Variants in MMP25 observed in about 807,000 individuals in gnomAD.
MMP25 encodes matrix metallopeptidase 25.
In MMP25, 68 loss-of-function variants were observed where a neutral mutation model predicts 62.1. The observed-to-expected ratio is 1.10, with a 90% CI of 0.90 to 1.34. MMP25 has a LOEUF of 1.34. MMP25 is among the 40% of genes most tolerant of loss of function. The pLI is 0.00. For synonymous variants in MMP25, 407 were observed against 345.6 expected, an observed-to-expected ratio of 1.18 and a Z score of -1.97; for missense variants, 942 against 792.5, an observed-to-expected ratio of 1.19 and a Z score of -2.26.
chr16:3,051,952 C>G (rs1955909929), intron 4 of MMP25: 1 of 152,004 alleles, frequency 6.6e-6, no homozygotes, highest in South Asian at 2.1e-4. Context: ...TGTTGAAACC[C>G]CGTCTCTACT....
At chr16:3,053,927 T>A (rs1955950868) in intron 4 of MMP25, 1 of 150,588 alleles carries the variant, frequency 6.6e-6, no homozygotes, top group Admixed American at 6.7e-5. Context: ...GCGGGGGAAG[T>A]GAAGATTGAG....
At chr16:3,047,298 G>T (rs1024127963) in intron 1 of MMP25, 117 bp from the exon 2 acceptor site, 1 of 1,455,474 alleles carries the variant, frequency 6.9e-7, no homozygotes, top group African/African-American at 1.4e-5. Flanking sequence ...AGGCATCCGG[G>T]GCTGGGGCCC....
Position 3,046,987 on chromosome 16 carries a change from C to G in MMP25, c.70C>G (p.Pro24Ala). 6.8e-7 allele frequency: 1 copy of G among 1,471,428 alleles called. No individual in the cohort carries two copies. Among genetic ancestry groups the G allele is most frequent in the Non-Finnish European group, 8.9e-7 (1 of 1,119,504 alleles). 91.1% of individuals were successfully genotyped at this position (1,471,428 alleles called of 1,614,324 possible). ...LLAPPARAPK[P>A]SAQDVSLGVD... ...GGCACCGCCCGCGCGCGCCCCGAAGCCCTCGGCGCAGGACGTGAGCCTGGG... is the reference window on the plus strand; with the variant it reads ...GGCACCGCCCGCGCGCGCCCCGAAGGCCTCGGCGCAGGACGTGAGCCTGGG... Residue 24 changes from proline (P) to alanine (A), a missense_variant, in exon 1 of 10, where the codon CCC (proline) becomes GCC (alanine). Physicochemically the swap from Pro to Ala is conservative, Grantham distance 27. Coordinates refer to ENST00000336577, the MANE Select transcript of MMP25 (RefSeq NM_022468.5).
intron 4 of MMP25, among the ~76,000 whole-genome samples, chr16:3,055,246 C>T (rs764295044): frequency 6.6e-6 from 1 of 152,048 alleles, no homozygotes; most frequent in Non-Finnish European, 1.5e-5. Flanking sequence ...GGTTGTGTAA[C>T]TTCCCCCAGA....
chr16:3,059,437 C>T lies in MMP25; in HGVS notation c.*339C>T, dbSNP rs1956078244. 8.9e-6 allele frequency: 2 copies of T among 223,670 alleles called. No individual in the cohort carries two copies. The highest frequency in any genetic ancestry group is 1.7e-5 in the Non-Finnish European group (2 of 114,484). The allele number at this position is 223,670 out of a possible 1,614,324, so 13.9% of individuals were successfully genotyped here. A position where few individuals can be genotyped will look rare whatever the true frequency, so the allele number is the denominator to read the frequency against. On this transcript the variant is annotated 3_prime_UTR_variant, in exon 10 of 10. Coordinates refer to ENST00000336577, the MANE Select transcript of MMP25 (RefSeq NM_022468.5). ...GGCGGTCGGACCCCGCCTCCCGAGC[C>T]CGGGGAGGGGCGGGGAGGACAAGGG...
Position 3,058,222 on chromosome 16 carries a change from TC to T in MMP25, c.1052del (p.Pro351ArgfsTer17), listed in dbSNP as rs1416222287. 1.1e-5 allele frequency: 18 copies of T among 1,612,442 alleles called. No homozygotes were observed. The highest frequency in any genetic ancestry group is 1.5e-5 in the Non-Finnish European group (18 of 1,179,452). ...CCTCCAGCCCTCCGGACAGCTGGTG[TC>T]CCCGCGACCCGCACGGCTGCACCGC... ...WRLQPSGQLV[S>X]PRPARLHRFW... On this transcript the variant is annotated frameshift_variant, in exon 8 of 10. Transcript: ENST00000336577. LOFTEE classifies it high-confidence loss of function.
chr16:3,049,981 A>C (rs1182701233), intron 2 of MMP25, 28 bp from the exon 3 acceptor site: 3 of 1,604,754 alleles, frequency 1.9e-6, no homozygotes, highest in East Asian at 4.5e-5. Context: ...TTGTGGACAC[A>C]CCCCCCACCG....
At chr16:3,047,578 C>G in intron 2 of MMP25, 31 bp downstream of exon 2, 1 of 1,606,130 alleles carries the variant, frequency 6.2e-7, no homozygotes, top group Non-Finnish European at 8.5e-7. Context: ...CCCAGCCCTG[C>G]CTCTGCACCC....
At position 3,058,649 on chromosome 16, in the gene MMP25, A is replaced by G; in HGVS notation, c.1397A>G (p.Asp466Gly). ...LWEGAPPSPDDVTVSNAGDTY... is the reference protein window; with the variant it reads ...LWEGAPPSPDGVTVSNAGDTY... ...GAAGGCGCGCCCCCCTCCCCTGACGATGTCACCGTCAGCAACGCAGGTGGG... is the reference window on the plus strand; with the variant it reads ...GAAGGCGCGCCCCCCTCCCCTGACGGTGTCACCGTCAGCAACGCAGGTGGG... The change falls in exon 9 of 10, where the codon GAT becomes GGT. Residue 466 changes from aspartate to glycine, a missense_variant. Transcript: ENST00000336577. The G allele has an allele frequency of 6.2e-7, 1 of 1,601,796 alleles. No individual in the cohort carries two copies. Among genetic ancestry groups the G allele is most frequent in the Non-Finnish European group, 8.5e-7 (1 of 1,174,100 alleles).
At chr16:3,047,611 C>A in intron 2 of MMP25, 64 bp downstream of exon 2, 2 of 1,554,518 alleles carry the variant, frequency 1.3e-6, no homozygotes, top group Non-Finnish European at 1.8e-6. Flanking sequence ...GCCCAACAGC[C>A]TTTAGACCTC....
At chr16:3,056,041 A>G in intron 4 of MMP25, 1 of 417,522 alleles carries the variant, frequency 2.4e-6, no homozygotes, top group Non-Finnish European at 4.8e-6. Flanking sequence ...TGTGTTCCCA[A>G]GGAGATGGAG....
intron 2 of MMP25, 73 bp from the exon 3 acceptor site, chr16:3,049,936 G>A: frequency 6.3e-7 from 1 of 1,593,164 alleles, no homozygotes; most frequent in Non-Finnish European, 8.5e-7. Flanking sequence ...CATGTAGAAA[G>A]TTGACTGGTG....
intron 5 of MMP25, 26 bp downstream of exon 5, chr16:3,057,235 A>G: frequency 6.2e-7 from 1 of 1,613,712 alleles, no homozygotes; most frequent in Non-Finnish European, 8.5e-7. Flanking sequence ...CCTGCCGCGA[A>G]ACCATCATTG....
At position 3,059,253 on chromosome 16, in the gene MMP25, G is replaced by GGGC. The variant is rs1397555679; in HGVS notation, c.*167_*169dup. The GGGC allele has an allele frequency of 4.6e-6, 4 of 876,160 alleles. No individual in the cohort carries two copies. The African/African-American group carries it at 5.3e-5, about 12-fold the overall frequency. The allele number at this position is 876,160 out of a possible 1,614,324, so 54.3% of individuals were successfully genotyped here. On this transcript the variant is annotated 3_prime_UTR_variant, in exon 10 of 10. Transcript: ENST00000336577. ...TAAGCAGGGGGGATCTCCCGCGCAG[G>GGGC]GGCGGCGGCGGCGGGGACCGGTCGC...
In MMP25 at chr16:3,060,422, T is replaced by A. The variant is rs2151167955; in HGVS notation, c.*1324T>A. ...ACACCGATGGCCTGAACCCCATGGG[T>A]AGAGTCACTTAGGGGCCACTTCCTA... On this transcript the variant is annotated 3_prime_UTR_variant, in exon 10 of 10. Transcript: ENST00000336577. 6.6e-6 allele frequency: 1 copy of A among 152,162 alleles called. No individual in the cohort carries two copies. Among genetic ancestry groups the A allele is most frequent in the Non-Finnish European group, 1.5e-5 (1 of 68,004 alleles). 9.4% of individuals were successfully genotyped at this position (152,162 alleles called of 1,614,324 possible). A position where few individuals can be genotyped will look rare whatever the true frequency, so the allele number is the denominator to read the frequency against.
In MMP25 at chr16:3,060,538, G is replaced by C. The variant is rs954826214; in HGVS notation, c.*1440G>C. The C allele has an allele frequency of 2.6e-5, 4 of 152,336 alleles. 1 individual carries two copies. In the South Asian group the frequency reaches 8.3e-4, roughly 32 times the overall value. 9.4% of individuals were successfully genotyped at this position (152,336 alleles called of 1,614,324 possible). A position where few individuals can be genotyped will look rare whatever the true frequency, so the allele number is the denominator to read the frequency against. On this transcript the variant is annotated 3_prime_UTR_variant, in exon 10 of 10. Coordinates refer to ENST00000336577, the MANE Select transcript of MMP25 (RefSeq NM_022468.5). ...AGCAACCATGCGAGGGGTTGCCCCA[G>C]TTGCTCATACAAACAGATCAGCATG...
Position 3,057,470 on chromosome 16 carries a change from GGGGTCCC to G in MMP25, c.924-60_924-54del, listed in dbSNP as rs1956033153. 1.9e-6 allele frequency: 3 copies of G among 1,597,070 alleles called. No homozygotes were observed. The African/African-American group carries it at 4.0e-5, about 21-fold the overall frequency. On this transcript the variant is annotated intron_variant, in intron 6 of 9. Transcript: ENST00000336577. ...AGTGTCCTCTGAGATGGGGATGGTG[GGGGTCCC>G]TGCCTTGGAGAAAACAAACCCCCCT... is the stretch of plus-strand genomic sequence containing the variant.
intron 4 of MMP25, among the ~76,000 whole-genome samples, chr16:3,055,298 G>A (rs993605014): frequency 2.0e-5 from 3 of 152,090 alleles, no homozygotes; most frequent in African/African-American, 7.2e-5. Flanking sequence ...GCAGGGCCCG[G>A]AAGCCCAGTA....
chr16:3,058,548 C>T lies in MMP25; in HGVS notation c.1296C>T (p.Arg432=), dbSNP rs759457971. Residue 432 remains arginine (R), a synonymous_variant, in exon 9 of 10, where the codon CGC becomes CGT. Transcript: ENST00000336577. ...WPQNGKTYLV[R]GRQYWRYDEA... ...AGAACGGGAAGACCTACCTGGTCCG[C>T]GGCCGGCAGTACTGGCGCTACGACG... is the stretch of plus-strand genomic sequence containing the variant. 2 of 1,610,928 alleles carry T rather than the reference C, an allele frequency of 1.2e-6. No individual in the cohort carries two copies. The highest frequency in any genetic ancestry group is 3.3e-5 in the Admixed American group (2 of 59,926).
Sources: gnomAD v4.1 joint callset for allele counts (sites outside exome capture counted in the v4.1 genomes callset) on GRCh38, gnomAD v4.1.1 for gene constraint, MANE v1.5 for transcripts, NCBI Gene and HGNC (gene_info 2026-07-23, HGNC 2026-07-21) for gene names.